Variants in SYCP2L observed in about 807,000 individuals in gnomAD.
The protein encoded by SYCP2L is synaptonemal complex protein 2-like.
In SYCP2L, 98 loss-of-function variants were observed where a neutral mutation model predicts 125.8. That is an observed-to-expected ratio of 0.78 (90% confidence interval 0.66 to 0.92). The LOEUF (loss-of-function observed/expected upper bound fraction) is 0.92, where lower values mean the gene tolerates loss of function less well. Ranked by LOEUF, SYCP2L falls within the 40% of genes least tolerant of loss-of-function variation. The probability of loss-of-function intolerance (pLI) is 0.00; values close to 1 mark genes in which losing one functional copy is unlikely to be tolerated. For synonymous variants in SYCP2L, 317 were observed against 325.4 expected (o/e 0.97, Z 0.28); for missense variants, 842 against 936.4 (o/e 0.90, Z 1.32).
At chr6:10,924,780 T>A in intron 15 of SYCP2L, 139 bp downstream of exon 15, 1 of 788,798 alleles carries the variant, frequency 1.3e-6, no homozygotes, top group Non-Finnish European at 1.8e-6. Flanking sequence ...AAAAAAGAGT[T>A]GAGAGTTCTG....
At chr6:10,967,597 A>G (rs1479912088) in intron 29 of SYCP2L, among the ~76,000 whole-genome samples, 1 of 152,076 alleles carries the variant, frequency 6.6e-6, no homozygotes, top group Non-Finnish European at 1.5e-5. Flanking sequence ...TTACCTGATC[A>G]ATAGAATAAC....
At chr6:10,917,530 G>A (rs1449643622) in intron 14 of SYCP2L, among the ~76,000 whole-genome samples, 1 of 152,102 alleles carries the variant, frequency 6.6e-6, no homozygotes, top group Non-Finnish European at 1.5e-5. Flanking sequence ...TTAAGTTTAT[G>A]TGAGTCCTTA....
intron 6 of SYCP2L, 27 bp downstream of exon 6, chr6:10,898,875 G>A (rs1479470548): frequency 1.5e-6 from 2 of 1,306,894 alleles, no homozygotes; most frequent in African/African-American, 2.9e-5. Context: ...CTACTAATTG[G>A]CTATTAATTT....
chr6:10,961,522 C>CTGATCTGCAATCTTTCTG lies in SYCP2L; in HGVS notation c.2389_2406dup (p.Ser797_Gln802dup), dbSNP rs756647029. 16 of 1,614,068 alleles carry CTGATCTGCAATCTTTCTG rather than the reference C, an allele frequency of 9.9e-6. No individual in the cohort carries two copies. In the South Asian group the frequency reaches 1.6e-4, roughly 17 times the overall value. ...TAGGAATTCTGGGGGAAACAGTCTG[C>CTGATCTGCAATCTTTCTG]TGATCTGCAATCTTTCTGTGATCTG... On this transcript the variant is annotated inframe_insertion, in exon 28 of 30. Coordinates refer to ENST00000283141, the MANE Select transcript of SYCP2L (RefSeq NM_001040274.3).
At chr6:10,966,049 G>T (rs1781670602) in intron 29 of SYCP2L, among the ~76,000 whole-genome samples, 2 of 152,144 alleles carry the variant, frequency 1.3e-5, no homozygotes, top group South Asian at 4.1e-4. Flanking sequence ...GGAGGCAGAG[G>T]TTGCAGTGGG....
intron 14 of SYCP2L, among the ~76,000 whole-genome samples, chr6:10,921,942 G>A (rs972936014): frequency 6.6e-6 from 1 of 152,076 alleles, no homozygotes; most frequent in African/African-American, 2.4e-5. Flanking sequence ...TCCTGACCTC[G>A]TGATCTGCCC....
intron 28 of SYCP2L, among the ~76,000 whole-genome samples, chr6:10,963,136 C>G (rs1781621053): frequency 6.6e-6 from 1 of 152,216 alleles, no homozygotes; most frequent in Non-Finnish European, 1.5e-5. Flanking sequence ...TTGCATTCAT[C>G]TCCCTTTGAT....
intron 26 of SYCP2L, 76 bp downstream of exon 26, chr6:10,958,951 C>A: frequency 7.7e-7 from 1 of 1,305,994 alleles, no homozygotes; most frequent in Non-Finnish European, 1.1e-6. Context: ...GACCACTGTG[C>A]TAGGGCCCTG....
At chr6:10,928,339 G>A (rs1780934066) in intron 17 of SYCP2L, 64 bp from the exon 18 acceptor site, 1 of 762,054 alleles carries the variant, frequency 1.3e-6, no homozygotes, top group Non-Finnish European at 2.2e-6. Flanking sequence ...AATTATAAAA[G>A]TATTAATTTG....
At chr6:10,935,479 G>A (rs1006771579) in intron 21 of SYCP2L, among the ~76,000 whole-genome samples, 1 of 151,848 alleles carries the variant, frequency 6.6e-6, no homozygotes, top group East Asian at 1.9e-4. Context: ...TTTTTGTAAG[G>A]TTCCAATAGT....
At chr6:10,889,727 T>A (rs1376377887) in intron 1 of SYCP2L, among the ~76,000 whole-genome samples, 1 of 151,700 alleles carries the variant, frequency 6.6e-6, no homozygotes, top group Non-Finnish European at 1.5e-5. Flanking sequence ...TTCAAGCGAT[T>A]CTCTTGCTTC....
Position 10,935,111 on chromosome 6 carries a change from A to G in SYCP2L, c.1737A>G (p.Thr579=), listed in dbSNP as rs769197193. 6.2e-7 allele frequency: 1 copy of G among 1,613,104 alleles called. No individual in the cohort carries two copies. Among genetic ancestry groups the G allele is most frequent in the Non-Finnish European group, 8.5e-7 (1 of 1,179,568 alleles). ...EKEIPEQNNT[T]SPKTSEQKFQ... is the part of the protein sequence containing the mutation. ...AAATACCCGAGCAAAATAACACCAC[A>G]TCTCCAAAGACTTCTGAACAAAAAT... The change falls in exon 21 of 30, where the codon ACA becomes ACG. Residue 579 remains threonine, a synonymous_variant. Transcript: ENST00000283141.
chr6:10,921,096 C>T (rs542366079), intron 14 of SYCP2L, among the ~76,000 whole-genome samples: 4 of 152,170 alleles, frequency 2.6e-5, no homozygotes, highest in Non-Finnish European at 5.9e-5. Context: ...GTGTTCTCAT[C>T]ATTCAGCTCC....
chr6:10,915,858 T>G (rs1780684156), intron 14 of SYCP2L, among the ~76,000 whole-genome samples: 1 of 152,198 alleles, frequency 6.6e-6, no homozygotes, highest in Admixed American at 6.5e-5. Context: ...GAGGGTTCCC[T>G]TTTTCTCTAT....
chr6:10,942,974 A>C (rs1169896540), intron 23 of SYCP2L, among the ~76,000 whole-genome samples: 2 of 152,016 alleles, frequency 1.3e-5, no homozygotes, highest in Non-Finnish European at 2.9e-5. Flanking sequence ...TGTGCCAAGG[A>C]AGGTATAGCC....
At position 10,965,498 on chromosome 6, in the gene SYCP2L, C is replaced by T. The variant is rs991409482; in HGVS notation, c.*37+1655C>T. Among the ~76,000 whole-genome samples, 4 of 152,088 alleles carry T rather than the reference C, an allele frequency of 2.6e-5. No individual in the cohort carries two copies. In the East Asian group the frequency reaches 5.8e-4, roughly 22 times the overall value. ...GTGCACATCCAAGTCTTGACAGGAA[C>T]CTGGAGTAACTGGGCAATTTTCCAG... On this transcript the variant is annotated intron_variant, in intron 29 of 29. Transcript: ENST00000283141.
chr6:10,926,931 C>G (rs1780907710), intron 16 of SYCP2L, among the ~76,000 whole-genome samples: 1 of 152,138 alleles, frequency 6.6e-6, no homozygotes, highest in African/African-American at 2.4e-5. Flanking sequence ...AGGTGTGTGC[C>G]ACCATGCCCA....
intron 25 of SYCP2L, among the ~76,000 whole-genome samples, chr6:10,956,852 G>A (rs1410849381): frequency 1.3e-5 from 2 of 152,044 alleles, no homozygotes; most frequent in African/African-American, 4.8e-5. Context: ...TTAGAGATAG[G>A]ATCTTGTTCT....
At chr6:10,924,752 G>T in intron 15 of SYCP2L, 111 bp downstream of exon 15, 1 of 1,061,458 alleles carries the variant, frequency 9.4e-7, no homozygotes, top group Non-Finnish European at 1.3e-6. Flanking sequence ...AGAAAACCTG[G>T]TCTTTCAAAT....
Sources: allele counts gnomAD v4.1 joint callset (sites outside exome capture counted in the v4.1 genomes callset), GRCh38; gene constraint gnomAD v4.1.1; transcripts MANE v1.5; gene names NCBI Gene and HGNC (gene_info 2026-07-23, HGNC 2026-07-21).